Variants in OPRM1 observed in about 807,000 individuals in gnomAD.
OPRM1 encodes opioid receptor mu 1, also known as mu-type opioid receptor.
Under a neutral mutation model 31.8 loss-of-function variants are expected in OPRM1, and 27 were observed. The observed-to-expected ratio is 0.85, with a 90% CI of 0.63 to 1.17. OPRM1 has a LOEUF of 1.17. Among genes scored for constraint, OPRM1 ranks in the 50% most tolerant of loss-of-function variants. The probability of loss-of-function intolerance (pLI) is 0.00; values close to 1 mark genes in which losing one functional copy is unlikely to be tolerated. For missense variants in OPRM1, 536 were observed against 511.1 expected (o/e 1.05, Z -0.47); for synonymous variants, 196 against 189.9 (o/e 1.03, Z -0.26).
intron 1 of OPRM1, among the ~76,000 whole-genome samples, chr6:154,068,968 AT>A (rs530952458): frequency 6.6e-6 from 1 of 152,024 alleles, no homozygotes; most frequent in African/African-American, 2.4e-5. Flanking sequence ...GATGTTAAAC[AT>A]TTTTTTCATA....
chr6:154,121,286 G>T lies in OPRM1; in HGVS notation c.*2565G>T, dbSNP rs1797284429. On this transcript the variant is annotated 3_prime_UTR_variant, in exon 4 of 4. Coordinates refer to ENST00000330432, the MANE Select transcript of OPRM1 (RefSeq NM_000914.5). ...GCTTATTGTGTTCCAAGTAGTTAGT[G>T]GTTTTTCTCCTTCAGTCTCCACTGT... 1.3e-5 allele frequency among the ~76,000 whole-genome samples: 2 copies of T among 152,080 alleles called. No homozygotes were observed. Among genetic ancestry groups the T allele is most frequent in the Admixed American group, 1.3e-4 (2 of 15,264 alleles).
At chr6:154,031,419 C>G (rs1778998598) in intron 1 of OPRM1, among the ~76,000 whole-genome samples, 1 of 152,116 alleles carries the variant, frequency 6.6e-6, no homozygotes, top group African/African-American at 2.4e-5. Flanking sequence ...GTCAACAGAA[C>G]CAGTGCCTTA....
chr6:154,168,020 G>A lies in OPRM1; in HGVS notation c.1164+76548G>A, dbSNP rs1189092777. 7 of 1,611,150 alleles carry A rather than the reference G, an allele frequency of 4.3e-6. No individual in the cohort carries two copies. Among genetic ancestry groups the A allele is most frequent in the East Asian group, 2.2e-5 (1 of 44,824 alleles). ...GGATTTTCTCAACTCCTTTTTAGTC[G>A]AAGGTCGTCGGTCCCCAAGAGGAGA... On this transcript the variant is annotated intron_variant, in intron 3 of 3. Coordinates refer to the OPRM1 transcript ENST00000337049. This position sits in a 1 kb window ranked among gnomAD's most constrained non-coding sequence, Gnocchi z 4.1.
intron 3 of OPRM1, among the ~76,000 whole-genome samples, chr6:154,210,265 A>G (rs1156872921): frequency 6.6e-6 from 1 of 152,220 alleles, no homozygotes; most frequent in African/African-American, 2.4e-5. Context: ...TTGCCATTAT[A>G]AAACTGAAAA....
chr6:154,160,076 TG>T (rs759548365), intron 3 of OPRM1: 1 of 1,482,662 alleles, frequency 6.7e-7, no homozygotes, highest in South Asian at 1.2e-5. Flanking sequence ...GGGGGTATGT[TG>T]AGAGTGTCTT....
intron 3 of OPRM1, among the ~76,000 whole-genome samples, chr6:154,228,203 CG>C (rs1562554332): frequency 6.6e-6 from 1 of 151,992 alleles, no homozygotes; most frequent in East Asian, 1.9e-4. Context: ...GGGTGGCTCA[CG>C]CCTGTAATCC....
chr6:154,189,872 A>G (rs1755959495), intron 3 of OPRM1, among the ~76,000 whole-genome samples: 1 of 151,918 alleles, frequency 6.6e-6, no homozygotes. Context: ...AATCACTGGA[A>G]CCTGGAGGTT....
intron 3 of OPRM1, among the ~76,000 whole-genome samples, chr6:154,103,297 A>T (rs185269881): frequency 3.4e-4 from 52 of 152,354 alleles, no homozygotes; most frequent in African/African-American, 1.2e-3. Context: ...CTTTGTACAA[A>T]TTGTTTTTAG....
intron 3 of OPRM1, among the ~76,000 whole-genome samples, chr6:154,241,311 G>T (rs1780573719): frequency 6.6e-6 from 1 of 151,454 alleles, no homozygotes; most frequent in Non-Finnish European, 1.5e-5. Flanking sequence ...AGGCTCAGGG[G>T]CCTCAAGCTT....
intron 3 of OPRM1, among the ~76,000 whole-genome samples, chr6:154,145,538 GTT>G (rs1284466610): frequency 1.3e-5 from 2 of 152,190 alleles, no homozygotes; most frequent in Non-Finnish European, 2.9e-5. Flanking sequence ...TTGTTCATAG[GTT>G]GGAAGACTCA....
intron 1 of OPRM1, among the ~76,000 whole-genome samples, chr6:154,047,408 G>A (rs1014538655): frequency 2.6e-5 from 4 of 152,100 alleles, no homozygotes; most frequent in East Asian, 1.9e-4. Flanking sequence ...ACCTAAAAGC[G>A]TGACTGGCAA....
chr6:154,233,233 T>G (rs1482080151), intron 3 of OPRM1, among the ~76,000 whole-genome samples: 1 of 152,214 alleles, frequency 6.6e-6, no homozygotes, highest in Non-Finnish European at 1.5e-5. Flanking sequence ...CCTCCCAAAG[T>G]GCAAAATAAG....
chr6:154,152,354 A>AAAG lies in OPRM1; in HGVS notation c.1164+60883_1164+60884insAGA, dbSNP rs1562510777. ...AAGAAAGAAAGAAAGAAAGGAAAGA[A>AAAG]AGAAAGAAAGAAAGAAAGAAAGAAA... is the stretch of plus-strand genomic sequence containing the variant. On this transcript the variant is annotated intron_variant, in intron 3 of 3. Coordinates refer to the OPRM1 transcript ENST00000337049. Among the ~76,000 whole-genome samples the AAAG allele has an allele frequency of 8.2e-5, 12 of 147,118 alleles. 1 individual carries two copies. The highest frequency in any genetic ancestry group is 3.2e-4 in the African/African-American group (12 of 38,058).
At chr6:154,102,244 A>T (rs1260734968) in intron 3 of OPRM1, among the ~76,000 whole-genome samples, 1 of 152,272 alleles carries the variant, frequency 6.6e-6, no homozygotes, top group South Asian at 2.1e-4. Flanking sequence ...ATGGCCCCAG[A>T]TCATACTACT....
chr6:154,010,827 T>C (rs1777685523), exon 1 of OPRM1: 1 of 1,375,740 alleles, frequency 7.3e-7, no homozygotes, highest in Admixed American at 2.9e-5. Context: ...AAAGGGCTCC[T>C]GCTTTTCCTG....
intron 1 of OPRM1, among the ~76,000 whole-genome samples, chr6:154,021,091 A>G (rs1243984883): frequency 1.3e-5 from 2 of 152,194 alleles, no homozygotes; most frequent in Non-Finnish European, 2.9e-5. Context: ...TTTATAGTTT[A>G]GCATTTTACA....
intron 3 of OPRM1, among the ~76,000 whole-genome samples, chr6:154,196,115 T>C (rs1327953514): frequency 6.6e-6 from 1 of 152,170 alleles, no homozygotes; most frequent in Non-Finnish European, 1.5e-5. Context: ...TTATTCACTT[T>C]AGCACAAAGT....
chr6:154,228,304 TAAA>T lies in OPRM1; in HGVS notation c.1165-18376_1165-18374del, dbSNP rs11303578. Among the ~76,000 whole-genome samples, 817 of 147,166 alleles carry T rather than the reference TAAA, an allele frequency of 5.6e-3. 9 individuals are homozygous for T. Among genetic ancestry groups the T allele is most frequent in the African/African-American group, 0.019 (782 of 40,196 alleles). ...AACATAGGCAGACCTTGTCTCTGTT[TAAA>T]AAAAAAAAAAAAGTTTCCTCCAGGT... is the stretch of plus-strand genomic sequence containing the variant. On this transcript the variant is annotated intron_variant, in intron 3 of 3. Transcript: ENST00000337049.
intron 3 of OPRM1, among the ~76,000 whole-genome samples, chr6:154,214,959 T>C (rs1458252138): frequency 6.6e-6 from 1 of 152,230 alleles, no homozygotes; most frequent in Non-Finnish European, 1.5e-5. Flanking sequence ...AAGGGTTTAC[T>C]TAGGAACATA....
Sources: gnomAD v4.1 joint callset for allele counts (sites outside exome capture counted in the v4.1 genomes callset) on GRCh38, gnomAD v4.1.1 for gene constraint, Gnocchi (gnomAD v3.1) non-coding constraint, MANE v1.5 for transcripts, NCBI Gene and HGNC (gene_info 2026-07-23, HGNC 2026-07-21) for gene names.